DNER: variants seen among roughly 807,000 people sequenced by gnomAD.
The protein encoded by DNER is delta/notch like EGF repeat containing.
Under a neutral mutation model 78.2 loss-of-function variants are expected in DNER, and 33 were observed. The ratio of observed to expected loss-of-function variants is 0.42; its 90% confidence interval spans 0.32 to 0.56. The LOEUF (loss-of-function observed/expected upper bound fraction) is 0.56. DNER is among the 20% of genes least tolerant of loss of function. The probability of loss-of-function intolerance (pLI) is 0.11; values close to 1 mark genes in which losing one functional copy is unlikely to be tolerated. For synonymous variants in DNER, 417 were observed against 384.8 expected (o/e 1.08, Z -0.98); for missense variants, 918 against 975.3 (o/e 0.94, Z 0.78).
intron 1 of DNER, among the ~76,000 whole-genome samples, chr2:229,611,798 T>C (rs1398231196): frequency 2.6e-5 from 4 of 152,152 alleles, no homozygotes; most frequent in African/African-American, 7.2e-5. Flanking sequence ...CAGCCCTTCC[T>C]CTAAGACGTA....
chr2:229,661,303 C>T (rs1197939516), intron 1 of DNER, among the ~76,000 whole-genome samples: 1 of 152,054 alleles, frequency 6.6e-6, no homozygotes, highest in Non-Finnish European at 1.5e-5. Flanking sequence ...TACACCAGTC[C>T]CCCACACCTC....
At chr2:229,496,189 C>A (rs956937976) in intron 6 of DNER, among the ~76,000 whole-genome samples, 1 of 152,098 alleles carries the variant, frequency 6.6e-6, no homozygotes, top group African/African-American at 2.4e-5. Context: ...GTAATTGATG[C>A]GGATGACAAT....
chr2:229,632,718 A>T (rs1000027142), intron 1 of DNER, among the ~76,000 whole-genome samples: 2 of 152,222 alleles, frequency 1.3e-5, no homozygotes, highest in African/African-American at 2.4e-5. Flanking sequence ...AAAAATATAA[A>T]TATCAGCCCA....
intron 7 of DNER, among the ~76,000 whole-genome samples, chr2:229,461,243 A>T (rs952185969): frequency 6.6e-6 from 1 of 152,062 alleles, no homozygotes; most frequent in African/African-American, 2.4e-5. Context: ...TTTCAATTCA[A>T]TCTCCAGACC....
chr2:229,518,825 C>T (rs1277469454), intron 5 of DNER, among the ~76,000 whole-genome samples: 2 of 152,150 alleles, frequency 1.3e-5, no homozygotes, highest in Admixed American at 6.5e-5. Context: ...CATTATATAC[C>T]ATATATCACT....
At chr2:229,669,209 C>T (rs1440087704) in intron 1 of DNER, among the ~76,000 whole-genome samples, 1 of 151,892 alleles carries the variant, frequency 6.6e-6, no homozygotes, top group Non-Finnish European at 1.5e-5. Flanking sequence ...CATACCGGGG[C>T]CTGTTGTGGG....
chr2:229,377,319 TGTCA>T (rs1432799590), intron 11 of DNER, among the ~76,000 whole-genome samples: 1 of 152,208 alleles, frequency 6.6e-6, no homozygotes, highest in Non-Finnish European at 1.5e-5. Flanking sequence ...ACTGGCCAAC[TGTCA>T]GTCAATGAGG....
intron 12 of DNER, among the ~76,000 whole-genome samples, chr2:229,364,797 A>G (rs1335755440): frequency 2.7e-5 from 4 of 148,046 alleles, no homozygotes; most frequent in African/African-American, 5.0e-5. Context: ...CTTAGCTTCT[A>G]TGCCATTCAG....
At chr2:229,594,140 C>T (rs991314001) in intron 1 of DNER, among the ~76,000 whole-genome samples, 1 of 152,216 alleles carries the variant, frequency 6.6e-6, no homozygotes, top group East Asian at 1.9e-4. Flanking sequence ...CAGTTAAGCA[C>T]GTGTACACAC....
chr2:229,489,747 G>A (rs2154211663), intron 6 of DNER, among the ~76,000 whole-genome samples: 1 of 152,280 alleles, frequency 6.6e-6, no homozygotes, highest in Non-Finnish European at 1.5e-5. Flanking sequence ...AGAGGTCTCA[G>A]GAGAGCAGGC....
chr2:229,661,005 C>T (rs1460419439), intron 1 of DNER, among the ~76,000 whole-genome samples: 1 of 152,120 alleles, frequency 6.6e-6, no homozygotes, highest in East Asian at 1.9e-4. Context: ...AACCTAATTA[C>T]ATTGTTTATT....
chr2:229,667,192 G>A (rs1000920396), intron 1 of DNER, among the ~76,000 whole-genome samples: 12 of 152,156 alleles, frequency 7.9e-5, no homozygotes, highest in African/African-American at 2.9e-4. Flanking sequence ...GCTCCTGTCT[G>A]ATATTTCTTT....
chr2:229,636,994 A>C (rs1038536628), intron 1 of DNER, among the ~76,000 whole-genome samples: 1 of 152,180 alleles, frequency 6.6e-6, no homozygotes, highest in African/African-American at 2.4e-5. Flanking sequence ...TAAAACAAAA[A>C]TCAGCCATGA....
chr2:229,396,084 G>T (rs1041420050), intron 10 of DNER, among the ~76,000 whole-genome samples: 2 of 151,850 alleles, frequency 1.3e-5, no homozygotes, highest in Admixed American at 1.3e-4. Flanking sequence ...AGTCTAAAGG[G>T]GGAAAAGAAA....
intron 5 of DNER, among the ~76,000 whole-genome samples, chr2:229,524,409 G>A (rs1696160281): frequency 2.0e-5 from 3 of 152,192 alleles, no homozygotes; most frequent in Non-Finnish European, 4.4e-5. Context: ...ACTGTTGAAA[G>A]CTCTAAAATG....
chr2:229,639,800 G>A (rs958599825), intron 1 of DNER, among the ~76,000 whole-genome samples: 3 of 152,166 alleles, frequency 2.0e-5, no homozygotes, highest in Non-Finnish European at 4.4e-5. Flanking sequence ...AGCAAAAATC[G>A]GCCAGGATGC....
At chr2:229,674,422 G>A (rs1699266557) in intron 1 of DNER, among the ~76,000 whole-genome samples, 1 of 152,156 alleles carries the variant, frequency 6.6e-6, no homozygotes, top group Admixed American at 6.5e-5. Context: ...AGGATTACAG[G>A]CATGTGCCAC....
At chr2:229,383,405 C>T (rs990763160) in intron 11 of DNER, among the ~76,000 whole-genome samples, 3 of 152,198 alleles carry the variant, frequency 2.0e-5, no homozygotes, top group African/African-American at 7.2e-5. Flanking sequence ...CAAATTCAAA[C>T]ATAACAATAC....
At chr2:229,367,164 T>C in intron 11 of DNER, 45 bp from the exon 12 acceptor site, 1 of 1,609,440 alleles carries the variant, frequency 6.2e-7, no homozygotes, top group Non-Finnish European at 8.5e-7. Context: ...GTTGTCACCT[T>C]TGAGAATGAG....
Sources: gnomAD v4.1 joint callset for allele counts (sites outside exome capture counted in the v4.1 genomes callset) on GRCh38, gnomAD v4.1.1 for gene constraint, MANE v1.5 for transcripts, NCBI Gene and HGNC (gene_info 2026-07-23, HGNC 2026-07-21) for gene names.